The following SPPL2A variants were observed in gnomAD, a reference collection of about 807,000 sequenced individuals.
SPPL2A encodes signal peptide peptidase like 2A, also known as signal peptide peptidase-like 2A.
A neutral mutation model predicts 63.8 loss-of-function variants in SPPL2A; 51 were observed. That is an observed-to-expected ratio of 0.80 (90% confidence interval 0.64 to 1.01). The LOEUF is 1.01. Ranked by LOEUF, SPPL2A falls within the 50% of genes least tolerant of loss-of-function variation. The probability of loss-of-function intolerance (pLI) is 0.00; values close to 1 mark genes in which losing one functional copy is unlikely to be tolerated. For missense variants in SPPL2A, 553 were observed against 622.7 expected (o/e 0.89, Z 1.19); for synonymous variants, 188 against 205.8 (o/e 0.91, Z 0.74).
intron 1 of SPPL2A, among the ~76,000 whole-genome samples, chr15:50,757,285 T>G (rs887106250): frequency 6.6e-6 from 1 of 152,026 alleles, no homozygotes; most frequent in Non-Finnish European, 1.5e-5. Flanking sequence ...AGTTTCACTG[T>G]GTTAGCCAGG....
rs59560616 is a variant in SPPL2A, at chr15:50,735,544, T to TAC, written c.932+555_932+556dup. 5.1e-3 allele frequency among the ~76,000 whole-genome samples: 765 copies of TAC among 149,594 alleles called. 6 individuals are homozygous for TAC. Among genetic ancestry groups the TAC allele is most frequent in the Middle Eastern group, 6.8e-3 (2 of 294 alleles). On this transcript the variant is annotated intron_variant, in intron 8 of 14. Coordinates refer to ENST00000261854, the MANE Select transcript of SPPL2A (RefSeq NM_032802.4). The stretch of plus-strand genomic sequence containing the variant: ...ATATACACACACACACATATATACA[T>TAC]ACACACACACACACACACACACATA...
At chr15:50,747,773 T>C in intron 4 of SPPL2A, 145 bp from the exon 5 acceptor site, 1 of 631,014 alleles carries the variant, frequency 1.6e-6, no homozygotes, top group Non-Finnish European at 2.8e-6. Context: ...TGACATGATA[T>C]ATTCTCTAGT....
chr15:50,732,320 C>T (rs1190145309), intron 9 of SPPL2A, among the ~76,000 whole-genome samples: 1 of 59,046 alleles, frequency 1.7e-5, no homozygotes. Flanking sequence ...TAAATTTATA[C>T]AAATAAAAGA....
Position 50,739,826 on chromosome 15 carries a change from T to C in SPPL2A, c.587A>G (p.Glu196Gly). The C allele has an allele frequency of 1.9e-6, 3 of 1,598,004 alleles. No homozygotes were observed. In the South Asian group the frequency reaches 3.4e-5, roughly 18 times the overall value. The change falls in exon 6 of 15, where the codon GAA becomes GGA. Residue 196 changes from glutamate (E) to glycine (G), a missense_variant and splice_region_variant. Physicochemically the swap from Glu to Gly is moderately conservative, Grantham distance 98 (BLOSUM62 -2). Transcript: ENST00000261854. The part of the protein sequence containing the change: ...GGYWSGLVEL[E>G]NLKAVTTEDR... The stretch of plus-strand genomic sequence containing the variant: ...TTCAGTTGTCACTGCTTTCAAGTTT[T>C]CCCTGTACAAACACACAGGAACTTT...
In SPPL2A at chr15:50,705,097, C is replaced by G. The variant is rs2062498479; in HGVS notation, c.*2703G>C. 6.6e-6 allele frequency: 1 copy of G among 152,186 alleles called. No individual in the cohort carries two copies. The highest frequency in any genetic ancestry group is 1.5e-5 in the Non-Finnish European group (1 of 68,034). The allele number at this position is 152,186 out of a possible 1,614,324, so 9.4% of individuals were successfully genotyped here. ...GTGGCTCATGCCTGCAATCCCAGCA[C>G]TTGGGGAGTCTGAGGCGGGCAGATC... On this transcript the variant is annotated 3_prime_UTR_variant, in exon 15 of 15. Transcript: ENST00000261854.
intron 1 of SPPL2A, among the ~76,000 whole-genome samples, chr15:50,757,899 G>C (rs746529023): frequency 6.6e-6 from 1 of 150,728 alleles, no homozygotes; most frequent in East Asian, 2.0e-4. Flanking sequence ...CCTGAGAATC[G>C]CTTGAACCCA....
intron 14 of SPPL2A, among the ~76,000 whole-genome samples, chr15:50,708,549 T>C (rs2062530824): frequency 6.6e-6 from 1 of 150,650 alleles, no homozygotes; most frequent in Non-Finnish European, 1.5e-5. Flanking sequence ...CTAATAAAAA[T>C]ACAAAAATTA....
In SPPL2A at chr15:50,726,935, T is replaced by C. The variant is rs1328381343; in HGVS notation, c.1090-558A>G. ...CCCTATAGAATCTGAGAAGCTTCTCTAGCCTAACTCTCATCCAATTTCAGC... is the reference window on the plus strand; with the variant it reads ...CCCTATAGAATCTGAGAAGCTTCTCCAGCCTAACTCTCATCCAATTTCAGC... On this transcript the variant is annotated intron_variant, in intron 10 of 14. Coordinates refer to ENST00000261854, the MANE Select transcript of SPPL2A (RefSeq NM_032802.4). 3.3e-5 allele frequency among the ~76,000 whole-genome samples: 5 copies of C among 152,338 alleles called. No homozygotes were observed. In the East Asian group the frequency reaches 7.7e-4, roughly 24 times the overall value.
chr15:50,732,181 A>G (rs2062736628), intron 9 of SPPL2A, among the ~76,000 whole-genome samples: 1 of 152,142 alleles, frequency 6.6e-6, no homozygotes, highest in African/African-American at 2.4e-5. Flanking sequence ...GGCATGGTGG[A>G]AGAGTTAGAA....
chr15:50,726,086 G>C (rs558176101), intron 11 of SPPL2A: 1 of 1,492,858 alleles, frequency 6.7e-7, no homozygotes, highest in Non-Finnish European at 8.9e-7. Flanking sequence ...CTCATGGGGA[G>C]CTGAGGGTTG....
At position 50,747,604 on chromosome 15, in the gene SPPL2A, T is replaced by C; in HGVS notation, c.475A>G (p.Lys159Glu). The C allele has an allele frequency of 1.2e-6, 2 of 1,608,844 alleles. No homozygotes were observed. Among genetic ancestry groups the C allele is most frequent in the Non-Finnish European group, 1.7e-6 (2 of 1,177,064 alleles). ...NQTLGDNITV[K>E]MYSPSWPNFD... is the part of the protein sequence containing the mutation. ...TTAGGCCACGATGGAGAATACATTT[T>C]CACAGTAATGTTATCTCCTAGAGTC... Residue 159 changes from lysine to glutamate, a missense_variant, in exon 5 of 15, where the codon AAA becomes GAA. Physicochemically the swap from Lys to Glu is moderately conservative, Grantham distance 56. Coordinates refer to ENST00000261854, the MANE Select transcript of SPPL2A (RefSeq NM_032802.4).
chr15:50,722,029 T>C (rs1488558534), intron 13 of SPPL2A, 95 bp downstream of exon 13: 35 of 704,704 alleles, frequency 5.0e-5, no homozygotes, highest in South Asian at 2.8e-4. Context: ...TGAACCACCA[T>C]GCCCAAACTG....
rs2062511114 is a variant in SPPL2A at position 50,706,537 on chromosome 15, T to C, written c.*1263A>G. ...CCAATTCTTTTCTCTGAACCGCACTTTGTACATCCTCCACCAAGATTAAGA... is the reference window on the plus strand; with the variant it reads ...CCAATTCTTTTCTCTGAACCGCACTCTGTACATCCTCCACCAAGATTAAGA... On this transcript the variant is annotated 3_prime_UTR_variant, in exon 15 of 15. Coordinates refer to ENST00000261854, the MANE Select transcript of SPPL2A (RefSeq NM_032802.4). 6.6e-6 allele frequency: 1 copy of C among 152,136 alleles called. No homozygotes were observed. Among genetic ancestry groups the C allele is most frequent in the African/African-American group, 2.4e-5 (1 of 41,514 alleles). 9.4% of individuals were successfully genotyped at this position (152,136 alleles called of 1,614,324 possible).
chr15:50,747,730 C>T lies in SPPL2A; in HGVS notation c.451-102G>A, dbSNP rs534535551. ...TCACTCTGGAATGGACATTATACAT[C>T]AGACAGTCAAGAAGACTAGAATTAT... On this transcript the variant is annotated intron_variant, in intron 4 of 14. Coordinates refer to ENST00000261854, the MANE Select transcript of SPPL2A (RefSeq NM_032802.4). The T allele has an allele frequency of 7.5e-6, 6 of 798,152 alleles. No individual in the cohort carries two copies. The East Asian group carries it at 1.5e-4, about 20-fold the overall frequency. 49.4% of individuals were successfully genotyped at this position (798,152 alleles called of 1,614,324 possible).
rs185663501 is a variant in SPPL2A, at chr15:50,763,542, C to T, written c.66+1926G>A. ...TTAATCTTCACAACAACCCTAGAAC[C>T]GAGGAATATAGAACCCGAGATTACC... is the stretch of plus-strand genomic sequence containing the variant. On this transcript the variant is annotated intron_variant, in intron 1 of 14. Transcript: ENST00000261854. Among the ~76,000 whole-genome samples, 1,430 of 152,172 alleles carry T rather than the reference C, an allele frequency of 9.4e-3. 22 individuals are homozygous for T. Among genetic ancestry groups the T allele is most frequent in the Non-Finnish European group, 8.7e-3 (589 of 67,998 alleles).
chr15:50,711,409 C>T (rs918030688), intron 14 of SPPL2A, among the ~76,000 whole-genome samples: 1 of 152,008 alleles, frequency 6.6e-6, no homozygotes, highest in African/African-American at 2.4e-5. Context: ...TGGGATTTCA[C>T]TATGTTGGCC....
chr15:50,745,394 G>A (rs1407703261), intron 5 of SPPL2A, among the ~76,000 whole-genome samples: 2 of 125,950 alleles, frequency 1.6e-5, no homozygotes, highest in East Asian at 2.9e-4. Context: ...GAGATGATCC[G>A]CCTGCCTCAG....
chr15:50,746,436 C>CAAAAA, intron 5 of SPPL2A, among the ~76,000 whole-genome samples: 1 of 87,048 alleles, frequency 1.1e-5, no homozygotes, highest in South Asian at 5.2e-4. Context: ...GACTCTGTAT[C>CAAAAA]AAAAAAAAAA....
intron 1 of SPPL2A, 93 bp downstream of exon 1, chr15:50,765,375 G>C: frequency 1.0e-6 from 1 of 958,418 alleles, no homozygotes; most frequent in Non-Finnish European, 1.5e-6. Context: ...GGGCAGAGGG[G>C]AGGCCGGGCG....
Sources: gnomAD v4.1 joint callset for allele counts (sites outside exome capture counted in the v4.1 genomes callset) on GRCh38, gnomAD v4.1.1 for gene constraint, MANE v1.5 for transcripts, NCBI Gene and HGNC (gene_info 2026-07-23, HGNC 2026-07-21) for gene names.